The following ALG12 variants were observed in gnomAD, a reference collection of about 807,000 sequenced individuals.
ALG12 encodes the protein ALG12 alpha-1,6-mannosyltransferase.
In ALG12, 36 loss-of-function variants were observed where a neutral mutation model predicts 46.0. That is an observed-to-expected ratio of 0.78 (90% CI 0.60 to 1.03). ALG12 has a LOEUF of 1.03. ALG12 is among the 50% of genes least tolerant of loss of function. The pLI is 0.00. For synonymous variants in ALG12, 326 were observed against 291.6 expected (o/e 1.12, Z -1.20); for missense variants, 599 against 633.5 (o/e 0.95, Z 0.58).
the ALG12 span, among the ~76,000 whole-genome samples, chr22:49,875,347 A>G: frequency 4.0e-5 from 6 of 151,708 alleles, no homozygotes; most frequent in East Asian, 7.7e-4. Flanking sequence ...TAATCAGCTT[A>G]TTCTTGAGTT....
At chr22:49,885,519 G>A in the ALG12 span, 205 of 1,609,012 alleles carry the variant, frequency 1.3e-4, no homozygotes, top group Non-Finnish European at 1.7e-4. Context: ...TCTCGGAGAC[G>A]GCTCGGCCCT....
the ALG12 span, among the ~76,000 whole-genome samples, chr22:49,871,980 G>A: frequency 2.0e-5 from 3 of 152,026 alleles, no homozygotes; most frequent in Non-Finnish European, 2.9e-5. Flanking sequence ...TCTTCACCTC[G>A]TGATCCGCCT....
rs2060603277 is a variant in ALG12 at position 49,915,302 on chromosome 22, T to C, written c.-78-1459A>G. Reference sequence around the variant, plus strand: ...GGCCAGGTGCGGTGGCTCATTCCCATAATCCCAGCTCTTCGGGAGGCTGAG... The same window carrying C: ...GGCCAGGTGCGGTGGCTCATTCCCACAATCCCAGCTCTTCGGGAGGCTGAG... On this transcript the variant is annotated intron_variant, in intron 1 of 9. Coordinates refer to ENST00000330817, the MANE Select transcript of ALG12 (RefSeq NM_024105.4). Among the ~76,000 whole-genome samples, 3 of 152,150 alleles carry C rather than the reference T, an allele frequency of 2.0e-5. No individual in the cohort carries two copies. The South Asian group carries it at 6.2e-4, about 32-fold the overall frequency.
chr22:49,867,984 C>T, the ALG12 span, among the ~76,000 whole-genome samples: 1 of 152,252 alleles, frequency 6.6e-6, no homozygotes, highest in East Asian at 1.9e-4. Flanking sequence ...TGTTGTTAGC[C>T]TAGGAAAAGA....
the ALG12 span, among the ~76,000 whole-genome samples, chr22:49,860,942 C>G: frequency 6.6e-6 from 1 of 151,462 alleles, no homozygotes; most frequent in Non-Finnish European, 1.5e-5. Flanking sequence ...CCACGCCCAG[C>G]TAATTTTTTG....
the ALG12 span, chr22:49,886,428 C>T: frequency 2.4e-5 from 38 of 1,586,892 alleles, no homozygotes; most frequent in Middle Eastern, 3.4e-4. This position sits in a 1 kb window ranked among gnomAD's most constrained non-coding sequence, Gnocchi z 7.7. Flanking sequence ...GAGAGCTGAT[C>T]AGCTGCGACC....
chr22:49,885,942 C>T, the ALG12 span: 2 of 768,374 alleles, frequency 2.6e-6, no homozygotes. Flanking sequence ...CCCGGCCGCG[C>T]TGTGACGACC....
downstream of ALG12, among the ~76,000 whole-genome samples, chr22:49,897,090 A>G (rs1157483101): frequency 5.3e-5 from 8 of 151,214 alleles, no homozygotes; most frequent in Admixed American, 5.3e-4. Flanking sequence ...AGTTGGACTC[A>G]TACAGTATGT....
chr22:49,892,836 T>TA, the ALG12 span, among the ~76,000 whole-genome samples: 40 of 152,102 alleles, frequency 2.6e-4, no homozygotes, highest in Admixed American at 1.4e-3. Flanking sequence ...TTGACTCTCA[T>TA]AAAAAAATTA....
At position 49,917,158 on chromosome 22, in the gene ALG12, C is replaced by T. The variant is rs950378245; in HGVS notation, c.-79+1105G>A. Among the ~76,000 whole-genome samples the T allele has an allele frequency of 2.6e-5, 4 of 152,258 alleles. No individual in the cohort carries two copies. In the South Asian group the frequency reaches 8.3e-4, roughly 31 times the overall value. On this transcript the variant is annotated intron_variant, in intron 1 of 9. Transcript: ENST00000330817. ...GAACCCCCCACCAGGCGAGGGTGAA[C>T]GGACACTGTCCTGCACTAGCCCACT...
At chr22:49,861,442 T>C in the ALG12 span, among the ~76,000 whole-genome samples, 2 of 152,148 alleles carry the variant, frequency 1.3e-5, no homozygotes, top group African/African-American at 4.8e-5. Flanking sequence ...ACACCTGACC[T>C]GTTTGTTTTG....
the ALG12 span, among the ~76,000 whole-genome samples, chr22:49,866,535 C>T: frequency 6.6e-6 from 1 of 152,100 alleles, no homozygotes; most frequent in Non-Finnish European, 1.5e-5. Context: ...GACCTATAAT[C>T]TCACATCAGA....
the ALG12 span, among the ~76,000 whole-genome samples, chr22:49,862,451 G>A: frequency 6.6e-6 from 1 of 152,250 alleles, no homozygotes; most frequent in South Asian, 2.1e-4. Flanking sequence ...ATTTTAAAGT[G>A]TGGCACAGAT....
At chr22:49,887,208 C>T in the ALG12 span, 2,061 of 1,575,824 alleles carry the variant, frequency 1.3e-3, 18 homozygotes, top group African/African-American at 0.023. Context: ...AGGCCAGAGG[C>T]GTGGCTGCCC....
the ALG12 span, among the ~76,000 whole-genome samples, chr22:49,864,221 T>C: frequency 6.6e-6 from 1 of 152,214 alleles, no homozygotes; most frequent in African/African-American, 2.4e-5. Context: ...TCCGTCCTCT[T>C]TTTCCACTGA....
downstream of ALG12, among the ~76,000 whole-genome samples, chr22:49,895,337 CAG>C (rs1430215000): frequency 2.0e-5 from 3 of 152,072 alleles, no homozygotes; most frequent in Non-Finnish European, 4.4e-5. Context: ...GGATTTGTGA[CAG>C]GGAATTTTAT....
At chr22:49,871,668 CTGCTGACCAATCAGAGTGCAGAT>C in the ALG12 span, among the ~76,000 whole-genome samples, 68 of 152,070 alleles carry the variant, frequency 4.5e-4, 1 homozygote, top group Middle Eastern at 0.014. Flanking sequence ...GTGTCCAGGG[CTGCTGACCAATCAGAGTGCAGAT>C]TGCTGACCAA....
chr22:49,886,119 G>C, the ALG12 span: 1 of 682,428 alleles, frequency 1.5e-6, no homozygotes, highest in Non-Finnish European at 2.7e-6. The surrounding 1 kb of genome is among the most constrained non-coding windows in gnomAD (Gnocchi z 7.7). Context: ...CGCTGAACGA[G>C]GGGGAGCACT....
the ALG12 span, among the ~76,000 whole-genome samples, chr22:49,862,227 C>T: frequency 4.6e-5 from 7 of 152,226 alleles, no homozygotes; most frequent in Admixed American, 3.9e-4. Context: ...CTATACGGAG[C>T]GGCCCCAACG....
Sources: allele counts gnomAD v4.1 joint callset (sites outside exome capture counted in the v4.1 genomes callset), GRCh38; gene constraint gnomAD v4.1.1; non-coding constraint Gnocchi (gnomAD v3.1); transcripts MANE v1.5; gene names NCBI Gene and HGNC (gene_info 2026-07-23, HGNC 2026-07-21).